Variants in WWTR1 observed in about 807,000 individuals in gnomAD.
The protein encoded by WWTR1 is WW domain-containing transcription regulator protein 1.
A neutral mutation model predicts 40.1 loss-of-function variants in WWTR1; 13 were observed. The ratio of observed to expected loss-of-function variants is 0.32; its 90% CI spans 0.21 to 0.52. WWTR1 has a LOEUF of 0.52. WWTR1 is among the 20% of genes least tolerant of loss of function. The probability of loss-of-function intolerance (pLI) is 0.97; values close to 1 mark genes in which losing one functional copy is unlikely to be tolerated. For synonymous variants in WWTR1, 230 were observed against 210.1 expected (o/e 1.09, Z -0.82); for missense variants, 436 against 523.1 (o/e 0.83, Z 1.63).
At chr3:149,692,834 C>T (rs1714868456) in intron 1 of WWTR1, among the ~76,000 whole-genome samples, 1 of 151,994 alleles carries the variant, frequency 6.6e-6, no homozygotes, top group Non-Finnish European at 1.5e-5. Context: ...GGGTTTTTAC[C>T]ATGTTGGCCA....
At chr3:149,528,998 C>A (rs1421435831) in intron 4 of WWTR1, among the ~76,000 whole-genome samples, 1 of 152,226 alleles carries the variant, frequency 6.6e-6, no homozygotes, top group Non-Finnish European at 1.5e-5. Flanking sequence ...CTGACTGCAA[C>A]TACTTTCTCT....
At chr3:149,594,960 T>C (rs1233305856) in intron 2 of WWTR1, among the ~76,000 whole-genome samples, 54 of 119,510 alleles carry the variant, frequency 4.5e-4, no homozygotes, top group African/African-American at 1.7e-3. Flanking sequence ...CTTTTTTTTT[T>C]TTTTTTTTTT....
At chr3:149,521,090 C>G in intron 6 of WWTR1, 101 bp from the exon 7 acceptor site, 2 of 1,318,750 alleles carry the variant, frequency 1.5e-6, no homozygotes, top group Non-Finnish European at 2.1e-6. Context: ...ATGTCTTCAA[C>G]TACCACATTA....
chr3:149,607,170 A>G (rs1028167273), intron 2 of WWTR1, among the ~76,000 whole-genome samples: 4 of 152,212 alleles, frequency 2.6e-5, no homozygotes, highest in Non-Finnish European at 4.4e-5. Flanking sequence ...TTTTTGAAAT[A>G]TTCATCTTTT....
upstream of WWTR1, among the ~76,000 whole-genome samples, chr3:149,705,634 T>C (rs566168529): frequency 3.6e-4 from 55 of 152,318 alleles, no homozygotes; most frequent in Middle Eastern, 3.4e-3. Flanking sequence ...AAATAGATTA[T>C]AGCAGGGATT....
At chr3:149,698,260 C>T (rs894556941) in intron 1 of WWTR1, among the ~76,000 whole-genome samples, 14 of 152,138 alleles carry the variant, frequency 9.2e-5, no homozygotes, top group African/African-American at 3.4e-4. Context: ...AGGGCAGTTC[C>T]CCCCATACTG....
chr3:149,536,485 G>C lies in WWTR1; in HGVS notation c.771+5850C>G, dbSNP rs866609318. On this transcript the variant is annotated intron_variant, in intron 4 of 6. Coordinates refer to ENST00000360632, the MANE Select transcript of WWTR1 (RefSeq NM_015472.6). Reference sequence around the variant, plus strand: ...TCTTTGCATGACAAAAAAAAAAAGGGGGGGGCCTCAGAACCTTCCCCAGGC... The same window carrying C: ...TCTTTGCATGACAAAAAAAAAAAGGCGGGGGCCTCAGAACCTTCCCCAGGC... Among the ~76,000 whole-genome samples, 3 of 151,900 alleles carry C rather than the reference G, an allele frequency of 2.0e-5. No homozygotes were observed. The East Asian group carries it at 5.8e-4, about 29-fold the overall frequency.
chr3:149,523,065 T>A (rs1312530453), intron 6 of WWTR1, among the ~76,000 whole-genome samples: 1 of 141,618 alleles, frequency 7.1e-6, no homozygotes. Context: ...GACCCCGTAT[T>A]AAAAAAAAAA....
chr3:149,696,883 A>G (rs1032556326), intron 1 of WWTR1, among the ~76,000 whole-genome samples: 8 of 152,158 alleles, frequency 5.3e-5, no homozygotes, highest in African/African-American at 1.9e-4. Context: ...CTCCCACAAC[A>G]GTTCCAGTCA....
intron 3 of WWTR1, among the ~76,000 whole-genome samples, chr3:149,559,708 T>TG (rs1431278660): frequency 2.0e-5 from 3 of 152,208 alleles, no homozygotes; most frequent in Non-Finnish European, 4.4e-5. Context: ...GTGGCACTGT[T>TG]GAACTTTGAG....
intron 2 of WWTR1, among the ~76,000 whole-genome samples, chr3:149,669,558 A>T (rs1399284292): frequency 6.6e-6 from 1 of 152,234 alleles, no homozygotes; most frequent in Non-Finnish European, 1.5e-5. Flanking sequence ...ATTAAAAGTA[A>T]TCCAGGGAAA....
intron 4 of WWTR1, among the ~76,000 whole-genome samples, chr3:149,536,014 A>T (rs1362534150): frequency 6.6e-6 from 1 of 152,212 alleles, no homozygotes; most frequent in Non-Finnish European, 1.5e-5. Context: ...CTGTGTCTCA[A>T]AAAGAGAAGA....
intron 6 of WWTR1, among the ~76,000 whole-genome samples, chr3:149,522,660 G>A (rs138163225): frequency 6.6e-6 from 1 of 152,024 alleles, no homozygotes; most frequent in African/African-American, 2.4e-5. Flanking sequence ...TCTCCAGTTA[G>A]AATCATTCAT....
At chr3:149,635,569 G>A (rs1166481222) in intron 2 of WWTR1, among the ~76,000 whole-genome samples, 1 of 151,764 alleles carries the variant, frequency 6.6e-6, no homozygotes, top group East Asian at 1.9e-4. Flanking sequence ...AGAGGAAGGA[G>A]GACGAAGAGG....
chr3:149,678,983 C>T (rs756238909), intron 1 of WWTR1, among the ~76,000 whole-genome samples: 43 of 152,088 alleles, frequency 2.8e-4, no homozygotes, highest in Admixed American at 6.6e-4. Flanking sequence ...GCATGCATCA[C>T]CATGCCCGGC....
intron 5 of WWTR1, among the ~76,000 whole-genome samples, chr3:149,714,340 T>C (rs1271770886): frequency 6.6e-6 from 1 of 152,160 alleles, no homozygotes; most frequent in East Asian, 1.9e-4. Context: ...CAGGCATCTC[T>C]GAACTCTCAG....
chr3:149,633,066 G>A (rs78375365), intron 2 of WWTR1, among the ~76,000 whole-genome samples: 4,051 of 152,304 alleles, frequency 0.027, 79 homozygotes, highest in African/African-American at 0.053. Context: ...ATTATGTGCT[G>A]TGTAAATTAT....
Position 149,633,207 on chromosome 3 carries a change from A to G in WWTR1, c.431+23669T>C, listed in dbSNP as rs150056275. Among the ~76,000 whole-genome samples, 202 of 152,290 alleles carry G rather than the reference A, an allele frequency of 1.3e-3. 1 individual carries two copies. Among genetic ancestry groups the G allele is most frequent in the African/African-American group, 4.8e-3 (200 of 41,562 alleles). On this transcript the variant is annotated intron_variant, in intron 2 of 6. Coordinates refer to ENST00000360632, the MANE Select transcript of WWTR1 (RefSeq NM_015472.6). ...AGTTCAAGGACAGCCTGGGCAACAT[A>G]GGAAGACCCCATCGCTACAAAAATA... is the stretch of plus-strand genomic sequence containing the variant.
chr3:149,704,230 G>T (rs763671933), upstream of WWTR1, among the ~76,000 whole-genome samples: 5 of 152,032 alleles, frequency 3.3e-5, no homozygotes, highest in African/African-American at 4.8e-5. Context: ...AAAAATAAAA[G>T]GATTTTAACA....
Sources: allele counts gnomAD v4.1 joint callset (sites outside exome capture counted in the v4.1 genomes callset), GRCh38; gene constraint gnomAD v4.1.1; transcripts MANE v1.5; gene names NCBI Gene and HGNC (gene_info 2026-07-23, HGNC 2026-07-21).